Variants in PTBP3 observed in about 807,000 individuals in gnomAD.
PTBP3 encodes the protein polypyrimidine tract binding protein 3.
Under a neutral mutation model 58.7 loss-of-function variants are expected in PTBP3, and 20 were observed. The observed-to-expected ratio is 0.34, with a 90% CI of 0.24 to 0.50. The LOEUF is 0.50. Ranked by LOEUF, PTBP3 falls within the 20% of genes least tolerant of loss-of-function variation. The pLI is 0.98. For missense variants in PTBP3, 509 were observed against 637.2 expected, an observed-to-expected ratio of 0.80 and a Z score of 2.17; for synonymous variants, 185 against 219.8, an observed-to-expected ratio of 0.84 and a Z score of 1.40.
chr9:112,341,313 GT>G, the PTBP3 span, among the ~76,000 whole-genome samples: 1 of 151,840 alleles, frequency 6.6e-6, no homozygotes, highest in Non-Finnish European at 1.5e-5. Context: ...TGTATTTTTA[GT>G]AGAGATGGTG....
chr9:112,279,032 ATAT>A (rs1214168184), intron 2 of PTBP3, among the ~76,000 whole-genome samples: 7 of 152,186 alleles, frequency 4.6e-5, no homozygotes, highest in Non-Finnish European at 5.9e-5. Flanking sequence ...TTAACTGAAC[ATAT>A]TATTACTATA....
At chr9:112,368,795 C>G in the PTBP3 span, among the ~76,000 whole-genome samples, 3 of 152,236 alleles carry the variant, frequency 2.0e-5, no homozygotes, top group African/African-American at 7.2e-5. Flanking sequence ...ATCAAGACAA[C>G]GGGGGAAAAT....
At chr9:112,237,639 G>C (rs1364111565) in intron 7 of PTBP3, among the ~76,000 whole-genome samples, 1 of 152,144 alleles carries the variant, frequency 6.6e-6, no homozygotes, top group Non-Finnish European at 1.5e-5. Flanking sequence ...GGAGTAACTA[G>C]GCCCAAACTC....
the PTBP3 span, among the ~76,000 whole-genome samples, chr9:112,341,915 G>A: frequency 6.6e-6 from 1 of 152,152 alleles, no homozygotes; most frequent in African/African-American, 2.4e-5. Context: ...CAACTTGCCT[G>A]CTTTAAGAGA....
At chr9:112,338,663 G>A (rs1298655109), upstream of PTBP3, among the ~76,000 whole-genome samples, 3 of 152,222 alleles carry the variant, frequency 2.0e-5, no homozygotes, top group African/African-American at 4.8e-5. Flanking sequence ...GACACACACT[G>A]ACTCTGACCG....
At chr9:112,322,752 A>T (rs143824819) in intron 1 of PTBP3, among the ~76,000 whole-genome samples, 1,575 of 152,378 alleles carry the variant, frequency 0.01, 14 homozygotes, top group Non-Finnish European at 0.016. Context: ...TGGAATTATC[A>T]GACATGGTTT....
intron 1 of PTBP3, among the ~76,000 whole-genome samples, chr9:112,313,963 A>G (rs1033960673): frequency 2.6e-5 from 4 of 152,236 alleles, no homozygotes; most frequent in African/African-American, 9.6e-5. Flanking sequence ...ACAAAAAGCA[A>G]AAGTTGAATT....
chr9:112,368,761 G>A, the PTBP3 span, among the ~76,000 whole-genome samples: 1 of 152,200 alleles, frequency 6.6e-6, no homozygotes, highest in Admixed American at 6.5e-5. Flanking sequence ...ATTTGCATAA[G>A]TAACGAGGAG....
intron 3 of PTBP3, among the ~76,000 whole-genome samples, chr9:112,274,705 T>C (rs1827534669): frequency 6.6e-6 from 1 of 152,188 alleles, no homozygotes; most frequent in African/African-American, 2.4e-5. Context: ...TGTTAGACTT[T>C]TTGAGAGGAC....
chr9:112,297,810 T>TAAAAAAAAAA, intron 2 of PTBP3, 22 bp downstream of exon 2: 1 of 1,169,366 alleles, frequency 8.6e-7, no homozygotes. Flanking sequence ...AATCAAATAT[T>TAAAAAAAAAA]AAAAAAAAAA....
the PTBP3 span, among the ~76,000 whole-genome samples, chr9:112,377,022 G>C: frequency 1.3e-5 from 2 of 152,184 alleles, no homozygotes; most frequent in African/African-American, 4.8e-5. Context: ...ATGACCTGGG[G>C]TAGGTAGGTA....
At chr9:112,243,799 C>T (rs960112775) in intron 7 of PTBP3, among the ~76,000 whole-genome samples, 1 of 152,162 alleles carries the variant, frequency 6.6e-6, no homozygotes, top group Admixed American at 6.5e-5. Context: ...ATTTTAAACT[C>T]TTCATGTACA....
chr9:112,285,478 G>C (rs989371917), intron 2 of PTBP3, among the ~76,000 whole-genome samples: 4 of 152,084 alleles, frequency 2.6e-5, no homozygotes, highest in African/African-American at 9.7e-5. Flanking sequence ...TTCTGGTGTT[G>C]GGAAAACTGT....
chr9:112,245,048 C>T (rs1373066100), intron 7 of PTBP3, among the ~76,000 whole-genome samples: 2 of 152,162 alleles, frequency 1.3e-5, no homozygotes, highest in Admixed American at 6.5e-5. Flanking sequence ...GTAGCTCATA[C>T]CTGTAATCCC....
chr9:112,356,874 C>CTTTTTT, the PTBP3 span, among the ~76,000 whole-genome samples: 11 of 91,524 alleles, frequency 1.2e-4, 1 homozygote, highest in Admixed American at 3.5e-4. Context: ...TCATTTCCCT[C>CTTTTTT]TTTTTTTTTT....
At chr9:112,366,212 A>G in the PTBP3 span, among the ~76,000 whole-genome samples, 143,677 of 151,956 alleles carry the variant, frequency 0.95, 68,040 homozygotes, top group African/African-American at 0.99. Context: ...GAACCCAGGA[A>G]GCGGAGATTG....
intron 1 of PTBP3, among the ~76,000 whole-genome samples, chr9:112,298,173 C>G (rs796155948): frequency 7.2e-5 from 11 of 152,256 alleles, no homozygotes; most frequent in African/African-American, 2.6e-4. Flanking sequence ...ACGCAGGTTT[C>G]CAAAACATAA....
chr9:112,221,364 T>C lies in PTBP3; in HGVS notation c.*2487A>G, dbSNP rs1242198772. 1 of 985,834 alleles carries C rather than the reference T, an allele frequency of 1.0e-6. No individual in the cohort carries two copies. The highest frequency in any genetic ancestry group is 1.7e-5 in the African/African-American group (1 of 57,356). The allele number at this position is 985,834 out of a possible 1,614,324, so 61.1% of individuals were successfully genotyped here. The stretch of plus-strand genomic sequence containing the variant: ...CTCTCAGACTTAAAAGGCCATTCCC[T>C]ACTTCAAAGTTACATTCAACACCAC... On this transcript the variant is annotated 3_prime_UTR_variant, in exon 14 of 14. Transcript: ENST00000374257.
chr9:112,226,654 T>C (rs1401211417), intron 12 of PTBP3, among the ~76,000 whole-genome samples: 1 of 152,210 alleles, frequency 6.6e-6, no homozygotes. Context: ...ATGGGCCATA[T>C]TGTCTCTGCT....
Sources: allele counts gnomAD v4.1 joint callset (sites outside exome capture counted in the v4.1 genomes callset), GRCh38; gene constraint gnomAD v4.1.1; transcripts MANE v1.5; gene names NCBI Gene and HGNC (gene_info 2026-07-23, HGNC 2026-07-21).